ARL9: variants seen among roughly 807,000 people sequenced by gnomAD.
ARL9 encodes the protein ADP-ribosylation factor-like protein 9.
Under a neutral mutation model 27.0 loss-of-function variants are expected in ARL9, and 14 were observed. The observed-to-expected ratio is 0.52, with a 90% CI of 0.34 to 0.81. The LOEUF (loss-of-function observed/expected upper bound fraction) is 0.81, where lower values mean the gene tolerates loss of function less well. Ranked by LOEUF, ARL9 falls within the 30% of genes least tolerant of loss-of-function variation. ARL9 has a pLI of 0.01. For synonymous variants in ARL9, 106 were observed against 108.7 expected (o/e 0.98, Z 0.15); for missense variants, 294 against 290.0 (o/e 1.01, Z -0.10).
At position 56,518,641 on chromosome 4, in the gene ARL9, G is replaced by C. The variant is rs550119624; in HGVS notation, c.443-37G>C. On this transcript the variant is annotated intron_variant, in intron 2 of 3. Coordinates refer to ENST00000640821, the MANE Select transcript of ARL9 (RefSeq NM_001363794.2). ...CCTGGGTGGGTGCTTCTGTGATTTTGTGTGTGTGTGTCTTCTTCCTCTACT... is the reference window on the plus strand; with the variant it reads ...CCTGGGTGGGTGCTTCTGTGATTTTCTGTGTGTGTGTCTTCTTCCTCTACT... 4.6e-6 allele frequency: 7 copies of C among 1,516,310 alleles called. 1 individual carries two copies. The Admixed American group carries it at 1.3e-4, about 28-fold the overall frequency. 93.9% of individuals were successfully genotyped at this position (1,516,310 alleles called of 1,614,324 possible).
At chr4:56,508,593 T>G (rs546441936) in intron 1 of ARL9, among the ~76,000 whole-genome samples, 79 of 152,180 alleles carry the variant, frequency 5.2e-4, no homozygotes, top group African/African-American at 1.8e-3. Flanking sequence ...ACCATGTTGG[T>G]CAGGCTGGTC....
chr4:56,506,626 G>A, intron 1 of ARL9: 1 of 985,406 alleles, frequency 1.0e-6, no homozygotes, highest in Non-Finnish European at 1.2e-6. Context: ...CAGACCACCA[G>A]TACCATGAAT....
At chr4:56,507,583 G>A (rs1055085627) in intron 1 of ARL9, among the ~76,000 whole-genome samples, 1 of 151,724 alleles carries the variant, frequency 6.6e-6, no homozygotes, top group Non-Finnish European at 1.5e-5. Flanking sequence ...CCAAAGTGCT[G>A]GGATTACAGG....
chr4:56,514,461 A>T (rs1056077530), intron 2 of ARL9, among the ~76,000 whole-genome samples: 1 of 152,206 alleles, frequency 6.6e-6, no homozygotes, highest in African/African-American at 2.4e-5. Flanking sequence ...CATTAAGGAA[A>T]ATCTGGAAAC....
At position 56,522,463 on chromosome 4, in the gene ARL9, C is replaced by T. The variant is rs1291618803; in HGVS notation, c.619-1234C>T. 4.0e-5 allele frequency among the ~76,000 whole-genome samples: 6 copies of T among 151,136 alleles called. No individual in the cohort carries two copies. The South Asian group carries it at 1.3e-3, about 31-fold the overall frequency. ...TATGATACAGGAAAAAAAAAAGACA[C>T]AATATTAGGTTATTTCCAGAGATTT... is the stretch of plus-strand genomic sequence containing the variant. On this transcript the variant is annotated intron_variant, in intron 3 of 3. Coordinates refer to ENST00000640821, the MANE Select transcript of ARL9 (RefSeq NM_001363794.2).
intron 1 of ARL9, among the ~76,000 whole-genome samples, chr4:56,510,055 T>G (rs555966205): frequency 7.9e-5 from 12 of 152,168 alleles, no homozygotes; most frequent in Middle Eastern, 6.8e-3. Context: ...ATTGTGATAC[T>G]TATATTAGAA....
chr4:56,506,582 C>T (rs1339804027), intron 1 of ARL9: 1 of 981,328 alleles, frequency 1.0e-6, no homozygotes, highest in Non-Finnish European at 1.2e-6. Context: ...GGTTCCTGAA[C>T]GCAGGAGGTG....
chr4:56,523,977 T>C lies in ARL9; in HGVS notation c.*101T>C. On this transcript the variant is annotated 3_prime_UTR_variant, in exon 4 of 4. Coordinates refer to ENST00000640821, the MANE Select transcript of ARL9 (RefSeq NM_001363794.2). ...TCCACCTCAAATAAAAATTAAGCCATTTCCTATTTTCTCAGTGCATGGGAT... is the reference window on the plus strand; with the variant it reads ...TCCACCTCAAATAAAAATTAAGCCACTTCCTATTTTCTCAGTGCATGGGAT... 8.4e-7 allele frequency: 1 copy of C among 1,191,808 alleles called. No individual in the cohort carries two copies. The highest frequency in any genetic ancestry group is 1.1e-6 in the Non-Finnish European group (1 of 873,074). 73.8% of individuals were successfully genotyped at this position (1,191,808 alleles called of 1,614,324 possible).
rs1292458417 is a variant in ARL9, at chr4:56,524,115, A to G, written c.*239A>G. On this transcript the variant is annotated 3_prime_UTR_variant, in exon 4 of 4. Coordinates refer to ENST00000640821, the MANE Select transcript of ARL9 (RefSeq NM_001363794.2). Reference sequence around the variant, plus strand: ...GAAGAATAATAACACAACAATAAAAATAATACACATTTTAAAATACAATAT... The same window carrying G: ...GAAGAATAATAACACAACAATAAAAGTAATACACATTTTAAAATACAATAT... 4.9e-6 allele frequency: 2 copies of G among 412,008 alleles called. No homozygotes were observed. Among genetic ancestry groups the G allele is most frequent in the Non-Finnish European group, 8.6e-6 (2 of 232,494 alleles). The allele number at this position is 412,008 out of a possible 1,614,324, so 25.5% of individuals were successfully genotyped here. A position where few individuals can be genotyped will look rare whatever the true frequency, so the allele number is the denominator to read the frequency against.
intron 3 of ARL9, among the ~76,000 whole-genome samples, chr4:56,520,142 A>G (rs1683907509): frequency 6.6e-6 from 1 of 152,126 alleles, no homozygotes; most frequent in Non-Finnish European, 1.5e-5. Context: ...AGCTGGGACT[A>G]CAGGCACATG....
intron 3 of ARL9, among the ~76,000 whole-genome samples, chr4:56,522,609 G>A (rs1392889322): frequency 6.6e-6 from 1 of 152,166 alleles, no homozygotes; most frequent in Non-Finnish European, 1.5e-5. Flanking sequence ...AGCTGAATCT[G>A]TGTTATTTAT....
chr4:56,515,403 A>G (rs1236032367), intron 2 of ARL9, among the ~76,000 whole-genome samples: 3 of 152,198 alleles, frequency 2.0e-5, no homozygotes, highest in African/African-American at 7.2e-5. Context: ...TAAGCTAAAA[A>G]TAAATGGGAA....
intron 1 of ARL9, among the ~76,000 whole-genome samples, chr4:56,509,250 G>A (rs1228454217): frequency 1.4e-5 from 2 of 146,626 alleles, no homozygotes; most frequent in Admixed American, 1.4e-4. Context: ...ACCCAGGCTG[G>A]AGTGCAGTGG....
intron 1 of ARL9, among the ~76,000 whole-genome samples, chr4:56,510,334 GAC>G (rs999526473): frequency 2.1e-5 from 3 of 140,836 alleles, no homozygotes. Context: ...CAGCCTGGGT[GAC>G]AGAGCAAGAC....
intron 3 of ARL9, among the ~76,000 whole-genome samples, chr4:56,520,300 G>A (rs1368632447): frequency 6.6e-6 from 1 of 152,150 alleles, no homozygotes; most frequent in East Asian, 1.9e-4. Flanking sequence ...ACCGCACCTG[G>A]CTACAATGGG....
intron 2 of ARL9, among the ~76,000 whole-genome samples, chr4:56,515,857 G>T (rs1003498546): frequency 1.3e-5 from 2 of 152,078 alleles, no homozygotes; most frequent in Admixed American, 6.6e-5. Flanking sequence ...TATATCAAAA[G>T]AATTAATTCT....
chr4:56,518,242 GC>G (rs2110152342), intron 2 of ARL9, among the ~76,000 whole-genome samples: 1 of 152,084 alleles, frequency 6.6e-6, no homozygotes, highest in African/African-American at 2.4e-5. Flanking sequence ...TCACCCTGTC[GC>G]CCAGGCTGGT....
intron 2 of ARL9, among the ~76,000 whole-genome samples, chr4:56,518,055 G>A (rs377175388): frequency 5.5e-4 from 83 of 151,310 alleles, no homozygotes; most frequent in African/African-American, 1.8e-3. Flanking sequence ...GTGTGGTGGC[G>A]CAAACACAGC....
At chr4:56,515,363 T>G (rs1049460542) in intron 2 of ARL9, among the ~76,000 whole-genome samples, 1 of 152,098 alleles carries the variant, frequency 6.6e-6, no homozygotes, top group African/African-American at 2.4e-5. Flanking sequence ...TCTGCTAAAT[T>G]CAGTTTCCAT....
Sources: allele counts gnomAD v4.1 joint callset (sites outside exome capture counted in the v4.1 genomes callset), GRCh38; gene constraint gnomAD v4.1.1; transcripts MANE v1.5; gene names NCBI Gene and HGNC (gene_info 2026-07-23, HGNC 2026-07-21).